The following NELL2 variants were observed in gnomAD, a reference collection of about 807,000 sequenced individuals.
NELL2 encodes protein kinase C-binding protein NELL2.
NELL2 carries 41 observed loss-of-function variants against 109.6 expected under a neutral mutation model. The observed-to-expected ratio is 0.37, with a 90% CI of 0.29 to 0.49. The LOEUF (loss-of-function observed/expected upper bound fraction) is 0.49, where lower values mean the gene tolerates loss of function less well. NELL2 is among the 20% of genes least tolerant of loss of function. NELL2 has a pLI of 0.98. For missense variants in NELL2, 900 were observed against 1,008.3 expected (o/e 0.89, Z 1.45); for synonymous variants, 355 against 344.7 (o/e 1.03, Z -0.33).
At chr12:44,830,657 T>C (rs1459777183) in intron 2 of NELL2, among the ~76,000 whole-genome samples, 1 of 152,136 alleles carries the variant, frequency 6.6e-6, no homozygotes, top group Non-Finnish European at 1.5e-5. Context: ...GTTATGATCA[T>C]GATGCCAGAA....
At chr12:44,597,896 G>A (rs975902502) in intron 15 of NELL2, among the ~76,000 whole-genome samples, 2 of 152,150 alleles carry the variant, frequency 1.3e-5, no homozygotes, top group African/African-American at 4.8e-5. Flanking sequence ...AATGTTGAGG[G>A]CTGAAAGCAG....
chr12:44,738,225 A>C (rs2136489594), intron 9 of NELL2, among the ~76,000 whole-genome samples: 1 of 152,290 alleles, frequency 6.6e-6, no homozygotes, highest in Admixed American at 6.5e-5. Context: ...ACAAGTAACC[A>C]AGTGCCTCAA....
At chr12:44,626,090 A>G (rs947696678) in intron 13 of NELL2, among the ~76,000 whole-genome samples, 2 of 152,310 alleles carry the variant, frequency 1.3e-5, no homozygotes, top group African/African-American at 2.4e-5. Context: ...GACAATATAT[A>G]TATCAACATA....
chr12:44,707,605 G>A (rs1462353371), intron 11 of NELL2, among the ~76,000 whole-genome samples: 2 of 152,028 alleles, frequency 1.3e-5, no homozygotes, highest in African/African-American at 4.8e-5. Flanking sequence ...GCAAGATAAT[G>A]GATTATCCTA....
chr12:44,904,208 T>C (rs1255864528), intron 1 of NELL2, among the ~76,000 whole-genome samples: 2 of 152,080 alleles, frequency 1.3e-5, no homozygotes, highest in Non-Finnish European at 2.9e-5. Context: ...GAAAAACTTA[T>C]GTTACTTCAT....
At chr12:44,773,670 A>T (rs1566361183) in intron 9 of NELL2, among the ~76,000 whole-genome samples, 1 of 152,196 alleles carries the variant, frequency 6.6e-6, no homozygotes, top group Non-Finnish European at 1.5e-5. Flanking sequence ...TCACCAAGGA[A>T]ATTAGCTAGT....
chr12:44,782,979 C>A (rs1741140642), intron 3 of NELL2, among the ~76,000 whole-genome samples: 1 of 151,822 alleles, frequency 6.6e-6, no homozygotes, highest in Non-Finnish European at 1.5e-5. Flanking sequence ...CCAAGGCAGA[C>A]CATATCTTGA....
At chr12:44,611,707 A>T (rs2136253453) in intron 13 of NELL2, among the ~76,000 whole-genome samples, 1 of 152,160 alleles carries the variant, frequency 6.6e-6, no homozygotes, top group East Asian at 1.9e-4. Flanking sequence ...CATTGTAACC[A>T]TTTTCAAGGT....
At chr12:44,876,356 G>A (rs1945324714), upstream of NELL2, 1 of 1,213,750 alleles carries the variant, frequency 8.2e-7, no homozygotes. Context: ...CTGCTCCTCC[G>A]GGGAGGGAGG....
At chr12:44,814,646 G>A (rs567715403) in intron 3 of NELL2, among the ~76,000 whole-genome samples, 1 of 152,292 alleles carries the variant, frequency 6.6e-6, no homozygotes, top group East Asian at 1.9e-4. Flanking sequence ...CAGAATCTGG[G>A]AGGAAAGAAA....
chr12:44,716,844 G>A (rs1938515700), intron 9 of NELL2, among the ~76,000 whole-genome samples: 1 of 151,952 alleles, frequency 6.6e-6, no homozygotes, highest in South Asian at 2.1e-4. Flanking sequence ...AAACACAAGG[G>A]TAAATTCTCC....
At chr12:44,516,480 G>C (rs975667868) in intron 19 of NELL2, among the ~76,000 whole-genome samples, 2 of 152,114 alleles carry the variant, frequency 1.3e-5, no homozygotes, top group African/African-American at 4.8e-5. Flanking sequence ...GTCAGCATTA[G>C]AAATTATTAG....
chr12:44,837,019 G>A (rs961152179), intron 2 of NELL2, among the ~76,000 whole-genome samples: 3 of 152,120 alleles, frequency 2.0e-5, no homozygotes, highest in Non-Finnish European at 2.9e-5. Context: ...AAGGTTAGGG[G>A]CCAGGCCTAT....
chr12:44,906,334 G>A (rs1023921703), intron 1 of NELL2, among the ~76,000 whole-genome samples: 1 of 151,968 alleles, frequency 6.6e-6, no homozygotes, highest in African/African-American at 2.4e-5. Flanking sequence ...AGAAATTTAG[G>A]GTTTTCTTTA....
intron 3 of NELL2, among the ~76,000 whole-genome samples, chr12:44,787,183 G>C (rs866295337): frequency 1.3e-5 from 2 of 151,948 alleles, no homozygotes; most frequent in Non-Finnish European, 2.9e-5. Context: ...CAATTACACA[G>C]AAAATTTAAA....
At position 44,713,137 on chromosome 12, in the gene NELL2, T is replaced by G. The variant is rs149627737; in HGVS notation, c.1086+1513A>C. 8.0e-5 allele frequency among the ~76,000 whole-genome samples: 12 copies of G among 149,940 alleles called. No homozygotes were observed. The Admixed American group carries it at 8.0e-4, about 10-fold the overall frequency. Reference sequence around the variant, plus strand: ...TACCAGTACATTTCTAAACCACAATTATCAGTATTATGAGACACATTCTGG... The same window carrying G: ...TACCAGTACATTTCTAAACCACAATGATCAGTATTATGAGACACATTCTGG... On this transcript the variant is annotated intron_variant, in intron 10 of 19. Transcript: ENST00000429094.
intron 2 of NELL2, among the ~76,000 whole-genome samples, chr12:44,835,750 C>T (rs962139419): frequency 6.6e-6 from 1 of 152,192 alleles, no homozygotes; most frequent in African/African-American, 2.4e-5. Context: ...ACAGGGTAAA[C>T]TTGGCAACAC....
rs73098355 is a variant in NELL2 at position 44,646,064 on chromosome 12, T to A, written c.1444+19420A>T. Among the ~76,000 whole-genome samples the A allele has an allele frequency of 3.8e-3, 576 of 152,146 alleles. 1 individual carries two copies. The highest frequency in any genetic ancestry group is 6.8e-3 in the Middle Eastern group (2 of 294). ...ATAGATTATAAAGTCTGCAAGGGTA[T>A]GTCTTTTTTTTTTATCCTCCATAGC... is the stretch of plus-strand genomic sequence containing the variant. On this transcript the variant is annotated intron_variant, in intron 13 of 19. Coordinates refer to ENST00000429094, the MANE Select transcript of NELL2 (RefSeq NM_001145108.2).
chr12:44,572,483 A>T (rs1441461942), intron 15 of NELL2, among the ~76,000 whole-genome samples: 1 of 152,062 alleles, frequency 6.6e-6, no homozygotes, highest in Admixed American at 6.6e-5. Flanking sequence ...TGATTTTCTT[A>T]AAAAAATGTG....
Sources: allele counts gnomAD v4.1 joint callset (sites outside exome capture counted in the v4.1 genomes callset), GRCh38; gene constraint gnomAD v4.1.1; transcripts MANE v1.5; gene names NCBI Gene and HGNC (gene_info 2026-07-23, HGNC 2026-07-21).